Variants in XPO6 observed in about 807,000 individuals in gnomAD.
XPO6 encodes exportin 6.
In XPO6, 3 loss-of-function variants were observed where a neutral mutation model predicts 130.0. The ratio of observed to expected loss-of-function variants is 0.02; its 90% CI spans 0.01 to 0.06. The LOEUF is 0.06. Among genes scored for constraint, XPO6 ranks in the 10% least tolerant of loss-of-function variants. The pLI, the probability that XPO6 is intolerant of heterozygous loss-of-function variation, is 1.00. For missense variants in XPO6, 970 were observed against 1,393.0 expected, an observed-to-expected ratio of 0.70 and a Z score of 4.83; for synonymous variants, 524 against 548.9, an observed-to-expected ratio of 0.95 and a Z score of 0.63.
chr16:28,122,622 T>C (rs2087272779), intron 13 of XPO6, among the ~76,000 whole-genome samples: 1 of 151,948 alleles, frequency 6.6e-6, no homozygotes, highest in Admixed American at 6.6e-5. Context: ...TCCTGTTTGT[T>C]TGTTTTGTTT....
intron 1 of XPO6, chr16:28,183,509 TC>T (rs1312740683): frequency 2.7e-5 from 4 of 150,000 alleles, no homozygotes. Flanking sequence ...CAAAACCAAA[TC>T]CGGGGCATTA....
intron 14 of XPO6, among the ~76,000 whole-genome samples, chr16:28,118,213 C>T (rs245743): frequency 3.3e-5 from 5 of 152,078 alleles, no homozygotes; most frequent in African/African-American, 9.7e-5. Context: ...CATTTATTAA[C>T]GACTCCTGCC....
intron 9 of XPO6, among the ~76,000 whole-genome samples, chr16:28,136,344 C>T (rs765810564): frequency 6.6e-6 from 1 of 152,168 alleles, no homozygotes; most frequent in Admixed American, 6.5e-5. Context: ...CTCAGCCTCC[C>T]GAGTGGCTGG....
rs536946124 is a variant in XPO6, at chr16:28,152,705, G to A, written c.1178C>T (p.Pro393Leu). The A allele has an allele frequency of 1.2e-6, 2 of 1,613,272 alleles. No individual in the cohort carries two copies. The highest frequency in any genetic ancestry group is 1.7e-6 in the Non-Finnish European group (2 of 1,179,748). ...LRRIESYSQFPVVEFLTLLFK... is the reference protein window; with the variant it reads ...LRRIESYSQFLVVEFLTLLFK... Reference sequence around the variant, plus strand: ...CAAAAGTGTCAAAAACTCCACCACAGGGAACTGGGAGTAAGACTCGATTCT... The same window carrying A: ...CAAAAGTGTCAAAAACTCCACCACAAGGAACTGGGAGTAAGACTCGATTCT... The change falls in exon 8 of 24, where the codon CCT becomes CTT. Residue 393 changes from proline to leucine, a missense_variant. By Grantham distance (98) the Pro-to-Leu change is moderately conservative. Coordinates refer to ENST00000304658, the MANE Select transcript of XPO6 (RefSeq NM_015171.4).
At chr16:28,192,311 A>G (rs2043800087) in intron 1 of XPO6, among the ~76,000 whole-genome samples, 1 of 152,036 alleles carries the variant, frequency 6.6e-6, no homozygotes. Flanking sequence ...ACTTTGGTAA[A>G]AATCTCTAGA....
intron 12 of XPO6, among the ~76,000 whole-genome samples, chr16:28,129,802 T>C (rs570542738): frequency 6.6e-6 from 1 of 152,276 alleles, no homozygotes; most frequent in African/African-American, 2.4e-5. Context: ...ACAGGAAAGT[T>C]TGCATGGGTA....
At chr16:28,174,653 G>C (rs935718631) in intron 4 of XPO6, among the ~76,000 whole-genome samples, 1 of 152,180 alleles carries the variant, frequency 6.6e-6, no homozygotes, top group Non-Finnish European at 1.5e-5. Flanking sequence ...CCCTTTGAGA[G>C]ACAATCTGAG....
intron 8 of XPO6, among the ~76,000 whole-genome samples, chr16:28,151,026 T>C (rs953574572): frequency 3.3e-5 from 5 of 151,940 alleles, no homozygotes; most frequent in African/African-American, 1.2e-4. Context: ...GGCTCATCCT[T>C]ACCACTGGGT....
intron 8 of XPO6, among the ~76,000 whole-genome samples, chr16:28,149,624 A>G (rs1464234126): frequency 3.3e-5 from 5 of 152,184 alleles, no homozygotes; most frequent in Non-Finnish European, 5.9e-5. Flanking sequence ...TACTCTACAC[A>G]GTAACACACT....
chr16:28,118,138 A>C (rs2087119069), intron 14 of XPO6, among the ~76,000 whole-genome samples: 1 of 152,256 alleles, frequency 6.6e-6, no homozygotes, highest in Non-Finnish European at 1.5e-5. Flanking sequence ...TTCGGTAATA[A>C]TTAGTAAGTT....
At chr16:28,188,821 T>C (rs2043738410) in intron 1 of XPO6, among the ~76,000 whole-genome samples, 1 of 152,002 alleles carries the variant, frequency 6.6e-6, no homozygotes. Context: ...CCTGAAGTCA[T>C]TCAGCTCAAA....
chr16:28,197,741 C>T (rs1161074224), intron 1 of XPO6, among the ~76,000 whole-genome samples: 1 of 151,392 alleles, frequency 6.6e-6, no homozygotes, highest in Non-Finnish European at 1.5e-5. Flanking sequence ...ATAGTGAAAC[C>T]CCGTCTCTAC....
At chr16:28,154,801 C>T (rs1191704411) in intron 7 of XPO6, among the ~76,000 whole-genome samples, 2 of 151,906 alleles carry the variant, frequency 1.3e-5, no homozygotes, top group Admixed American at 6.6e-5. Flanking sequence ...ATAGTTGATA[C>T]AAGCAGCTAG....
chr16:28,125,593 G>C, intron 13 of XPO6, 96 bp downstream of exon 13: 1 of 1,472,634 alleles, frequency 6.8e-7, no homozygotes, highest in Non-Finnish European at 9.2e-7. Context: ...CCCGGGGCCA[G>C]AGCAGAAGCT....
intron 1 of XPO6, among the ~76,000 whole-genome samples, chr16:28,182,206 A>C (rs2043627976): frequency 6.6e-6 from 1 of 152,206 alleles, no homozygotes; most frequent in Non-Finnish European, 1.5e-5. Context: ...CTGCATTTTA[A>C]AACAACAAGC....
chr16:28,180,768 T>C (rs1182700146), intron 2 of XPO6, among the ~76,000 whole-genome samples, 173 bp downstream of exon 2: 1 of 152,222 alleles, frequency 6.6e-6, no homozygotes, highest in Non-Finnish European at 1.5e-5. Flanking sequence ...TTCTTTCCTT[T>C]GGTCAAGTGG....
intron 7 of XPO6, among the ~76,000 whole-genome samples, chr16:28,155,249 T>C (rs1390148721): frequency 2.6e-5 from 4 of 152,210 alleles, no homozygotes; most frequent in African/African-American, 4.8e-5. Flanking sequence ...TGCCATGTCA[T>C]CTGTAAATAT....
chr16:28,133,283 G>A (rs1159758552), intron 11 of XPO6, among the ~76,000 whole-genome samples: 1 of 152,044 alleles, frequency 6.6e-6, no homozygotes, highest in Non-Finnish European at 1.5e-5. Context: ...GTTGCAGTGA[G>A]CCAAGATCAC....
At position 28,098,697 on chromosome 16, in the gene XPO6, C is replaced by T. The variant is rs558087241; in HGVS notation, c.3277-58G>A. On this transcript the variant is annotated intron_variant, in intron 23 of 23. Coordinates refer to ENST00000304658, the MANE Select transcript of XPO6 (RefSeq NM_015171.4). ...CACACCAGGTCACCCACCCACCAGACCCCAACAGCTACTTCCATCCCAGAG... is the reference window on the plus strand; with the variant it reads ...CACACCAGGTCACCCACCCACCAGATCCCAACAGCTACTTCCATCCCAGAG... 6.1e-6 allele frequency: 8 copies of T among 1,304,908 alleles called. 1 individual carries two copies. The South Asian group carries it at 6.5e-5, about 11-fold the overall frequency. 80.8% of individuals were successfully genotyped at this position (1,304,908 alleles called of 1,614,324 possible). A position where few individuals can be genotyped will look rare whatever the true frequency, so the allele number is the denominator to read the frequency against.
Sources: allele counts gnomAD v4.1 joint callset (sites outside exome capture counted in the v4.1 genomes callset), GRCh38; gene constraint gnomAD v4.1.1; transcripts MANE v1.5; gene names NCBI Gene and HGNC (gene_info 2026-07-23, HGNC 2026-07-21).